ATP7B: variants seen among roughly 807,000 people sequenced by gnomAD.
The protein encoded by ATP7B is ATPase copper transporting beta, also known as copper-transporting ATPase 2.
ATP7B carries 113 observed loss-of-function variants against 118.9 expected under a neutral mutation model. That is an observed-to-expected ratio of 0.95 (90% CI 0.82 to 1.11). ATP7B has a LOEUF of 1.11. Ranked by LOEUF, ATP7B falls within the 50% of genes most tolerant of loss-of-function variation. The pLI is 0.00. For synonymous variants in ATP7B, 777 were observed against 727.4 expected (o/e 1.07, Z -1.10); for missense variants, 1,867 against 1,871.4 (o/e 1.00, Z 0.04).
chr13:51,966,419 C>T (rs185286881), intron 4 of ATP7B, among the ~76,000 whole-genome samples: 61 of 152,236 alleles, frequency 4.0e-4, no homozygotes, highest in African/African-American at 1.5e-3. Flanking sequence ...AACTCAAACC[C>T]GGTTTTTAAA....
Position 51,941,119 on chromosome 13 carries a change from T to C in ATP7B, c.3518A>G (p.Glu1173Gly). Residue 1173 changes from glutamate (E) to glycine (G), a missense_variant, in exon 16 of 21, where the codon GAG becomes GGG. By Grantham distance (98) the Glu-to-Gly change is moderately conservative. Coordinates refer to ENST00000242839, the MANE Select transcript of ATP7B (RefSeq NM_000053.4). ...SDVSDAMTDH[E>G]MKGQTAILVA... ...CAGGATGGCTGTCTGTCCTTTCATC[T>C]CGTGGTCTGTCATAGCGTCACTGAC... is the stretch of plus-strand genomic sequence containing the variant. 6.2e-7 allele frequency: 1 copy of C among 1,614,220 alleles called. No individual in the cohort carries two copies. Among genetic ancestry groups the C allele is most frequent in the Non-Finnish European group, 8.5e-7 (1 of 1,180,042 alleles).
At chr13:51,942,357 C>A (rs370823890) in intron 15 of ATP7B, 29 bp downstream of exon 15, 63 of 1,613,084 alleles carry the variant, frequency 3.9e-5, no homozygotes, top group Middle Eastern at 1.6e-4. Flanking sequence ...CTACTTTTAA[C>A]CAGCTGCAGA....
In ATP7B at chr13:51,935,052, C is replaced by T. The variant is rs201152941; in HGVS notation, c.4125-23G>A. On this transcript the variant is annotated intron_variant, in intron 20 of 20. Transcript: ENST00000242839. ...TAGCTGGAAAGCAGGAACGCAACAG[C>T]ATCTGAGCCATTCTAGAAACAAGGC... is the stretch of plus-strand genomic sequence containing the variant. The T allele has an allele frequency of 1.3e-3, 2,096 of 1,613,298 alleles. 5 individuals carry two copies. The highest frequency in any genetic ancestry group is 6.2e-3 in the Middle Eastern group (37 of 5,964).
chr13:52,011,131 G>C (rs1204677389), intron 1 of ATP7B, among the ~76,000 whole-genome samples, 156 bp downstream of exon 1: 1 of 152,242 alleles, frequency 6.6e-6, no homozygotes, highest in Non-Finnish European at 1.5e-5. Flanking sequence ...TTTTTCTAAA[G>C]GGTCCTTTTC....
At chr13:51,964,835 TA>T (rs1566557808) in intron 5 of ATP7B, 36 bp downstream of exon 5, 4 of 1,606,116 alleles carry the variant, frequency 2.5e-6, no homozygotes, top group Non-Finnish European at 3.4e-6. Context: ...TTACTGTTTT[TA>T]AAAAGGTGAC....
intron 8 of ATP7B, 71 bp from the exon 9 acceptor site, chr13:51,957,678 C>A (rs1329580677): frequency 2.7e-6 from 4 of 1,461,938 alleles, no homozygotes; most frequent in Non-Finnish European, 2.9e-6. Flanking sequence ...CTGAGAGTCA[C>A]AAGCGTGGTG....
intron 1 of ATP7B, among the ~76,000 whole-genome samples, chr13:51,998,314 C>T (rs1953317896): frequency 1.3e-5 from 2 of 152,152 alleles, no homozygotes; most frequent in Non-Finnish European, 2.9e-5. Flanking sequence ...GTGGTCAGAT[C>T]CTGGAACACA....
At chr13:51,984,669 G>A (rs1952569391) in intron 1 of ATP7B, among the ~76,000 whole-genome samples, 1 of 152,132 alleles carries the variant, frequency 6.6e-6, no homozygotes. Flanking sequence ...CAGAGAGAAA[G>A]GTCAGGTTAC....
At position 51,960,271 on chromosome 13, in the gene ATP7B, G is replaced by A. The variant is rs755738019; in HGVS notation, c.1998C>T (p.Ala666=). 2 of 1,613,792 alleles carry A rather than the reference G, an allele frequency of 1.2e-6. No homozygotes were observed. The highest frequency in any genetic ancestry group is 1.3e-5 in the African/African-American group (1 of 74,910). Residue 666 remains alanine (A), a synonymous_variant, in exon 7 of 21, where the codon GCC becomes GCT. Coordinates refer to ENST00000242839, the MANE Select transcript of ATP7B (RefSeq NM_000053.4). The part of the protein sequence containing the change: ...CSLVFGIPVM[A]LMIYMLIPSN... The stretch of plus-strand genomic sequence containing the variant: ...TGGGTATCAGCATATAGATCATTAA[G>A]GCCATGACAGGGATGCCAAACACCA...
rs538663385 is a variant in ATP7B at position 51,949,640 on chromosome 13, T to G, written c.2865+22A>C. The G allele has an allele frequency of 1.3e-5, 21 of 1,613,012 alleles. No homozygotes were observed. In the African/African-American group the frequency reaches 2.8e-4, roughly 21 times the overall value. Reference sequence around the variant, plus strand: ...GATTATTTAAAACACAACCACCATATAGCCCAAGGCATTCAACTTACAGGA... The same window carrying G: ...GATTATTTAAAACACAACCACCATAGAGCCCAAGGCATTCAACTTACAGGA... On this transcript the variant is annotated intron_variant, in intron 12 of 20. Coordinates refer to ENST00000242839, the MANE Select transcript of ATP7B (RefSeq NM_000053.4).
chr13:51,990,958 T>C (rs1952879346), intron 1 of ATP7B, among the ~76,000 whole-genome samples: 1 of 152,294 alleles, frequency 6.6e-6, no homozygotes, highest in South Asian at 2.1e-4. Flanking sequence ...CGTGGTGGCA[T>C]GCACCTGTAG....
rs1251779051 is a variant in ATP7B, at chr13:51,966,742, A to T, written c.1707+1702T>A. On this transcript the variant is annotated intron_variant, in intron 4 of 20. Transcript: ENST00000242839. Reference sequence around the variant, plus strand: ...GCACGCCAGCCCGCCCGCACCCACCATGGCCACAGTTCAGCAGCTGGAAGG... The same window carrying T: ...GCACGCCAGCCCGCCCGCACCCACCTTGGCCACAGTTCAGCAGCTGGAAGG... The T allele has an allele frequency of 2.5e-6, 4 of 1,584,096 alleles. No individual in the cohort carries two copies. In the African/African-American group the frequency reaches 4.0e-5, roughly 16 times the overall value.
intron 9 of ATP7B, 63 bp downstream of exon 9, chr13:51,957,453 C>G (rs140991378): frequency 1.3e-6 from 2 of 1,508,894 alleles, no homozygotes; most frequent in Non-Finnish European, 1.8e-6. Flanking sequence ...ACATGGGCAT[C>G]TGATGCAGCT....
chr13:51,937,052 C>T (rs1368103001), intron 19 of ATP7B, among the ~76,000 whole-genome samples: 6 of 151,998 alleles, frequency 3.9e-5, no homozygotes, highest in African/African-American at 1.5e-4. Flanking sequence ...AGCATCTCCA[C>T]TAGCTTTTTA....
rs571181255 is a variant in ATP7B, at chr13:51,999,618, G to A, written c.51+11669C>T. 5.9e-5 allele frequency among the ~76,000 whole-genome samples: 9 copies of A among 152,222 alleles called. No individual in the cohort carries two copies. In the South Asian group the frequency reaches 1.2e-3, roughly 21 times the overall value. ...GTTCATTCCATGCACCTTCGACTTC[G>A]CTGGCTGCCCTCATCATCTGGCACC... On this transcript the variant is annotated intron_variant, in intron 1 of 20. Coordinates refer to ENST00000242839, the MANE Select transcript of ATP7B (RefSeq NM_000053.4).
chr13:51,951,343 T>C (rs920994117), intron 9 of ATP7B, among the ~76,000 whole-genome samples: 1 of 151,760 alleles, frequency 6.6e-6, no homozygotes, highest in Non-Finnish European at 1.5e-5. Context: ...GAGATGATTA[T>C]GGAGAAGCAG....
In ATP7B at chr13:51,944,092, C is replaced by T. The variant is rs201536688; in HGVS notation, c.3243+17G>A. 40 of 1,613,894 alleles carry T rather than the reference C, an allele frequency of 2.5e-5. No homozygotes were observed. Among genetic ancestry groups the T allele is most frequent in the African/African-American group, 4.0e-5 (3 of 75,016 alleles). On this transcript the variant is annotated intron_variant, in intron 14 of 20. Transcript: ENST00000242839. ...AGCATTGGCGGGGAGGGCAGGGCCA[C>T]GCCCAAGTCCACGTACCTCTTTACA...
intron 8 of ATP7B, 148 bp downstream of exon 8, chr13:51,958,163 A>G (rs369364457): frequency 2.3e-6 from 2 of 887,792 alleles, no homozygotes; most frequent in East Asian, 2.6e-5. Flanking sequence ...ATTAGTGACT[A>G]GAGCACCTTA....
rs1957885392 is a variant in ATP7B at position 51,949,863 on chromosome 13, T to C, written c.2731-67A>G. The C allele has an allele frequency of 5.6e-6, 9 of 1,611,982 alleles. No individual in the cohort carries two copies. In the East Asian group the frequency reaches 1.3e-4, roughly 24 times the overall value. ...ATGAAGAAATAAAACACCACAAGCA[T>C]GGATAAAGATTGGGATAATCTCCTT... On this transcript the variant is annotated intron_variant, in intron 11 of 20. Coordinates refer to ENST00000242839, the MANE Select transcript of ATP7B (RefSeq NM_000053.4).
Sources: allele counts gnomAD v4.1 joint callset (sites outside exome capture counted in the v4.1 genomes callset), GRCh38; gene constraint gnomAD v4.1.1; transcripts MANE v1.5; gene names NCBI Gene and HGNC (gene_info 2026-07-23, HGNC 2026-07-21).